The following BCL11A variants were observed in gnomAD, a reference collection of about 807,000 sequenced individuals.
The protein encoded by BCL11A is B cell CLL/lymphoma 11A.
BCL11A carries 2 observed loss-of-function variants against 55.9 expected under a neutral mutation model. The ratio of observed to expected loss-of-function variants is 0.04; its 90% CI spans 0.01 to 0.11. The LOEUF (loss-of-function observed/expected upper bound fraction) is 0.11, where lower values mean the gene tolerates loss of function less well. Ranked by LOEUF, BCL11A falls within the 10% of genes least tolerant of loss-of-function variation. BCL11A has a pLI of 1.00. For missense variants in BCL11A, 817 were observed against 1,137.1 expected, an observed-to-expected ratio of 0.72 and a Z score of 4.05; for synonymous variants, 465 against 473.4, an observed-to-expected ratio of 0.98 and a Z score of 0.23.
In BCL11A at chr2:60,460,726, C is replaced by T. The variant is rs763195769; in HGVS notation, c.2186G>A (p.Gly729Asp). 2.5e-6 allele frequency: 4 copies of T among 1,614,040 alleles called. No homozygotes were observed. The highest frequency in any genetic ancestry group is 1.3e-5 in the African/African-American group (1 of 74,944). Residue 729 changes from glycine to aspartate, a missense_variant, in exon 4 of 4, where the codon GGC (glycine) becomes GAC (aspartate). Around this residue, in one of 4 missense-constraint regions of BCL11A, gnomAD observed 379 missense variants for 425.3 expected, o/e 0.89. Transcript: ENST00000642384. ...GGSTPHISGP[G>D]PGRPSSKEGR... is the part of the protein sequence containing the mutation. Reference sequence around the variant, plus strand: ...CTCTTTTGAGCTGGGCCTGCCCGGGCCCGGACCACTAATATGGGGCGTGCT... The same window carrying T: ...CTCTTTTGAGCTGGGCCTGCCCGGGTCCGGACCACTAATATGGGGCGTGCT...
chr2:60,552,421 T>TCGG (rs886675800), intron 1 of BCL11A, among the ~76,000 whole-genome samples: 11 of 151,624 alleles, frequency 7.3e-5, no homozygotes, highest in East Asian at 2.0e-4. Flanking sequence ...CTCCTGCCCT[T>TCGG]CGGCGGCGGC....
At chr2:60,477,227 G>A (rs1040372095) in intron 2 of BCL11A, among the ~76,000 whole-genome samples, 2 of 152,156 alleles carry the variant, frequency 1.3e-5, no homozygotes, top group East Asian at 1.9e-4. Flanking sequence ...AGATGGATGC[G>A]ATGAGAATGA....
Position 60,546,140 on chromosome 2 carries a change from A to G in BCL11A, c.216T>C (p.Asn72=), listed in dbSNP as rs1243017881. 2.5e-6 allele frequency: 4 copies of G among 1,614,216 alleles called. No homozygotes were observed. The South Asian group carries it at 4.4e-5, about 18-fold the overall frequency. Residue 72 remains asparagine (N), a synonymous_variant, in exon 2 of 4, where the codon AAT becomes AAC. Transcript: ENST00000642384. The surrounding 1 kb of genome is among the most constrained non-coding windows in gnomAD (Gnocchi z 4.1). ...CAGCTTTTTCTAAGCAGAGGCTGCC[A>G]TTGCATTGTTTCCGTTTGTGCTCGA... ...IFIEHKRKQC[N]GSLCLEKAVD...
intron 2 of BCL11A, among the ~76,000 whole-genome samples, chr2:60,518,982 C>CA (rs1451814863): frequency 1.3e-5 from 2 of 152,286 alleles, no homozygotes; most frequent in Non-Finnish European, 2.9e-5. Flanking sequence ...CAATCCACAG[C>CA]AAAAGGAGAG....
intron 2 of BCL11A, among the ~76,000 whole-genome samples, chr2:60,531,375 G>C (rs1342821929): frequency 6.6e-6 from 1 of 152,154 alleles, no homozygotes; most frequent in Non-Finnish European, 1.5e-5. Context: ...AGTGAGTTTT[G>C]TTTTAAATCA....
chr2:60,508,364 C>G (rs1482533137), intron 2 of BCL11A, among the ~76,000 whole-genome samples: 2 of 152,194 alleles, frequency 1.3e-5, no homozygotes, highest in East Asian at 1.9e-4. Flanking sequence ...GCCACACTCC[C>G]TGCAGGGGCC....
chr2:60,533,662 T>C (rs1485660994), intron 2 of BCL11A: 1 of 152,184 alleles, frequency 6.6e-6, no homozygotes, highest in Non-Finnish European at 1.5e-5. Context: ...GAATCAATTA[T>C]GCATGCAGTT....
downstream of BCL11A, chr2:60,452,535 C>T (rs767456942): frequency 1.7e-5 from 26 of 1,487,178 alleles, no homozygotes; most frequent in South Asian, 3.4e-5. Flanking sequence ...GTCGACTGGG[C>T]GGCACGCGTC....
intron 2 of BCL11A, among the ~76,000 whole-genome samples, chr2:60,501,402 G>T (rs959605397): frequency 2.0e-5 from 3 of 151,850 alleles, no homozygotes; most frequent in Non-Finnish European, 4.4e-5. Flanking sequence ...CTTGTAATAT[G>T]ATTAATCACT....
intron 2 of BCL11A, among the ~76,000 whole-genome samples, chr2:60,538,909 G>A (rs746202115): frequency 6.6e-6 from 1 of 152,060 alleles, no homozygotes; most frequent in Non-Finnish European, 1.5e-5. Context: ...ATATTCAAAC[G>A]CCTGTAATTA....
At chr2:60,496,190 TG>T (rs1232281061) in intron 2 of BCL11A, among the ~76,000 whole-genome samples, 3 of 152,226 alleles carry the variant, frequency 2.0e-5, no homozygotes, top group South Asian at 2.1e-4. Context: ...GGGAAAGTTC[TG>T]GAAGTCGGAA....
At chr2:60,536,114 C>G (rs1669658401) in intron 2 of BCL11A, 1 of 152,186 alleles carries the variant, frequency 6.6e-6, no homozygotes, top group African/African-American at 2.4e-5. Flanking sequence ...ATAACAGCTT[C>G]GAAAGGCCAC....
chr2:60,521,782 G>A (rs768726696), intron 2 of BCL11A, among the ~76,000 whole-genome samples: 9 of 152,162 alleles, frequency 5.9e-5, no homozygotes, highest in Non-Finnish European at 8.8e-5. Flanking sequence ...AGCCACGTGA[G>A]CACGTCCCAG....
Position 60,457,790 on chromosome 2 carries a change from T to C in BCL11A, c.*2614A>G. On this transcript the variant is annotated 3_prime_UTR_variant, in exon 4 of 4. Coordinates refer to ENST00000642384, the MANE Select transcript of BCL11A (RefSeq NM_022893.4). ...AAGCACACTACATAACAAACCAACG[T>C]TATTAGCTTGCAGTACTGCATACAG... 1.9e-6 allele frequency: 2 copies of C among 1,041,070 alleles called. No homozygotes were observed. The highest frequency in any genetic ancestry group is 4.4e-4 in the Middle Eastern group (1 of 2,270). 64.5% of individuals were successfully genotyped at this position (1,041,070 alleles called of 1,614,324 possible). A position where few individuals can be genotyped will look rare whatever the true frequency, so the allele number is the denominator to read the frequency against.
chr2:60,491,399 G>A (rs1349876699), intron 2 of BCL11A, among the ~76,000 whole-genome samples: 4 of 152,112 alleles, frequency 2.6e-5, no homozygotes, highest in African/African-American at 9.7e-5. Context: ...CCGGCCAGGC[G>A]CTGTGGCTCA....
intron 2 of BCL11A, among the ~76,000 whole-genome samples, chr2:60,502,753 A>C (rs1679361394): frequency 6.6e-6 from 1 of 152,260 alleles, no homozygotes; most frequent in South Asian, 2.1e-4. Flanking sequence ...TCATGGTAGC[A>C]CAGTAGAGCA....
At chr2:60,498,189 T>A (rs1218321663) in intron 2 of BCL11A, among the ~76,000 whole-genome samples, 2 of 151,554 alleles carry the variant, frequency 1.3e-5, no homozygotes, top group Non-Finnish European at 2.9e-5. Context: ...TAGACGGGTG[T>A]GTGGCTCCTT....
At chr2:60,522,023 C>A (rs1221535943) in intron 2 of BCL11A, 1 of 152,288 alleles carries the variant, frequency 6.6e-6, no homozygotes, top group African/African-American at 2.4e-5. Flanking sequence ...ACACTTGTCC[C>A]CTTGCTACCT....
Position 60,546,199 on chromosome 2 carries a change from T to A in BCL11A, c.157A>T (p.Met53Leu). The change falls in exon 2 of 4, where the codon ATG becomes TTG. Residue 53 changes from methionine (M) to leucine (L), a missense_variant. Physicochemically the swap from Met to Leu is conservative, Grantham distance 15. Coordinates refer to ENST00000642384, the MANE Select transcript of BCL11A (RefSeq NM_022893.4). This position sits in a 1 kb window ranked among gnomAD's most constrained non-coding sequence, Gnocchi z 4.1. ...HDLLTCGQCQ[M>L]NFPLGDILIF... ...AGAATGTCCCCCAATGGGAAGTTCA[T>A]CTGGCACTGCCCACAGGTGAGGAGG... The A allele has an allele frequency of 3.1e-6, 5 of 1,614,232 alleles. No individual in the cohort carries two copies. Among genetic ancestry groups the A allele is most frequent in the Non-Finnish European group, 4.2e-6 (5 of 1,180,036 alleles).
Sources: gnomAD v4.1 joint callset for allele counts (sites outside exome capture counted in the v4.1 genomes callset) on GRCh38, gnomAD v4.1.1 for gene constraint, gnomAD v4.1.1 regional missense constraint, Gnocchi (gnomAD v3.1) non-coding constraint, MANE v1.5 for transcripts, NCBI Gene and HGNC (gene_info 2026-07-23, HGNC 2026-07-21) for gene names.